The following PCDH7 variants were observed in gnomAD, a reference collection of about 807,000 sequenced individuals.
PCDH7 encodes the protein protocadherin 7.
In PCDH7, 17 loss-of-function variants were observed where a neutral mutation model predicts 58.9. The ratio of observed to expected loss-of-function variants is 0.29; its 90% CI spans 0.20 to 0.43. PCDH7 has a LOEUF of 0.43. Among genes scored for constraint, PCDH7 ranks in the 20% least tolerant of loss-of-function variants. The probability of loss-of-function intolerance (pLI) is 1.00; values close to 1 mark genes in which losing one functional copy is unlikely to be tolerated. For missense variants in PCDH7, 1,274 were observed against 1,441.0 expected, an observed-to-expected ratio of 0.88 and a Z score of 1.88; for synonymous variants, 664 against 616.4, an observed-to-expected ratio of 1.08 and a Z score of -1.14.
Position 31,142,672 on chromosome 4 carries a change from G to C in PCDH7, c.*207G>C, listed in dbSNP as rs201367943. 436 of 1,367,730 alleles carry C rather than the reference G, an allele frequency of 3.2e-4. 2 individuals carry two copies. The Middle Eastern group carries it at 0.013, about 41-fold the overall frequency. The allele number at this position is 1,367,730 out of a possible 1,614,324, so 84.7% of individuals were successfully genotyped here. A position where few individuals can be genotyped will look rare whatever the true frequency, so the allele number is the denominator to read the frequency against. On this transcript the variant is annotated 3_prime_UTR_variant, in exon 4 of 4. Transcript: ENST00000509759. The stretch of plus-strand genomic sequence containing the variant: ...TGGCCAATGGGGAGGCCGCCATCAT[G>C]GGTGACCGCAACAGAAACCTCCTGA...
chr4:31,113,831 CTT>C (rs35105911), intron 3 of PCDH7, among the ~76,000 whole-genome samples: 2,997 of 107,442 alleles, frequency 0.028, 24 homozygotes, highest in African/African-American at 0.055. Flanking sequence ...GTTAACCTTT[CTT>C]TTTTTTTTTT....
intron 3 of PCDH7, among the ~76,000 whole-genome samples, chr4:31,036,677 G>A (rs750447412): frequency 2.0e-5 from 3 of 152,138 alleles, no homozygotes; most frequent in Non-Finnish European, 2.9e-5. Flanking sequence ...ACACTATACT[G>A]CACTAATAGC....
At chr4:30,763,203 A>T (rs1720262979) in intron 1 of PCDH7, among the ~76,000 whole-genome samples, 6 of 152,196 alleles carry the variant, frequency 3.9e-5, no homozygotes, top group Admixed American at 3.9e-4. Context: ...GCCTGGGGAC[A>T]AGAGTGAAAC....
intron 1 of PCDH7, among the ~76,000 whole-genome samples, chr4:30,828,801 T>C (rs1258645473): frequency 6.6e-6 from 1 of 152,062 alleles, no homozygotes; most frequent in Non-Finnish European, 1.5e-5. Context: ...TATAAGACTC[T>C]CTACACAGTT....
intron 3 of PCDH7, among the ~76,000 whole-genome samples, chr4:30,969,781 T>A (rs1326043889): frequency 6.6e-6 from 1 of 152,200 alleles, no homozygotes; most frequent in Non-Finnish European, 1.5e-5. Context: ...TATTTTCTGG[T>A]TTTAAATAAT....
chr4:31,140,844 A>C (rs1012925617), intron 3 of PCDH7, among the ~76,000 whole-genome samples: 7 of 152,204 alleles, frequency 4.6e-5, no homozygotes, highest in Admixed American at 2.6e-4. Context: ...GAATCTGCTC[A>C]CTTGTAAGTC....
intron 3 of PCDH7, among the ~76,000 whole-genome samples, chr4:31,022,804 T>C (rs1754132681): frequency 6.6e-6 from 1 of 152,118 alleles, no homozygotes; most frequent in South Asian, 2.1e-4. Flanking sequence ...CCCTTGTCTT[T>C]CAAAAAGCTT....
intron 1 of PCDH7, among the ~76,000 whole-genome samples, chr4:30,830,665 T>G (rs997756116): frequency 6.6e-6 from 1 of 152,186 alleles, no homozygotes; most frequent in Non-Finnish European, 1.5e-5. Context: ...GGCCTAGATC[T>G]TGGGATTTGG....
At chr4:30,885,821 A>G (rs1299947210) in intron 1 of PCDH7, among the ~76,000 whole-genome samples, 1 of 152,144 alleles carries the variant, frequency 6.6e-6, no homozygotes, top group Non-Finnish European at 1.5e-5. Context: ...AATGCCACAT[A>G]TCTACAACTA....
At chr4:31,083,768 G>A (rs1711938061) in intron 3 of PCDH7, among the ~76,000 whole-genome samples, 1 of 152,192 alleles carries the variant, frequency 6.6e-6, no homozygotes, top group Non-Finnish European at 1.5e-5. Context: ...CCTTGTCAAA[G>A]CAGTCAGATG....
At chr4:30,787,442 G>A (rs1263013757) in intron 1 of PCDH7, among the ~76,000 whole-genome samples, 1 of 152,016 alleles carries the variant, frequency 6.6e-6, no homozygotes, top group Non-Finnish European at 1.5e-5. Context: ...TAAAATTTAG[G>A]CAATTATTAC....
At chr4:31,084,749 AG>A (rs1712137055) in intron 3 of PCDH7, among the ~76,000 whole-genome samples, 1 of 43,770 alleles carries the variant, frequency 2.3e-5, no homozygotes, top group African/African-American at 9.6e-5. Flanking sequence ...GGGATGAGGG[AG>A]GGGAGGGGAG....
At chr4:30,941,239 T>G (rs1323151377) in intron 2 of PCDH7, among the ~76,000 whole-genome samples, 1 of 151,922 alleles carries the variant, frequency 6.6e-6, no homozygotes, top group Non-Finnish European at 1.5e-5. Context: ...GAACAGACTG[T>G]TTTACTTTTC....
chr4:30,738,315 A>T (rs900751592), intron 1 of PCDH7, among the ~76,000 whole-genome samples: 3 of 152,134 alleles, frequency 2.0e-5, no homozygotes, highest in African/African-American at 7.2e-5. Flanking sequence ...TTCCTGGGAA[A>T]GTACGCTTCC....
intron 1 of PCDH7, among the ~76,000 whole-genome samples, chr4:30,745,676 C>T (rs1717684997): frequency 6.6e-6 from 1 of 151,920 alleles, no homozygotes; most frequent in Non-Finnish European, 1.5e-5. Flanking sequence ...AAAGCTGTAA[C>T]TAACAACAGA....
At chr4:31,041,225 C>G (rs999034784) in intron 3 of PCDH7, among the ~76,000 whole-genome samples, 2 of 152,152 alleles carry the variant, frequency 1.3e-5, no homozygotes, top group African/African-American at 4.8e-5. Context: ...TGAAGTGTCT[C>G]TTCTCATGGG....
Position 30,732,437 on chromosome 4 carries a change from C to T in PCDH7, c.*1649C>T, listed in dbSNP as rs148108844. 2.4e-4 allele frequency: 37 copies of T among 152,238 alleles called. No individual in the cohort carries two copies. The East Asian group carries it at 6.6e-3, about 27-fold the overall frequency. The allele number at this position is 152,238 out of a possible 1,614,324, so 9.4% of individuals were successfully genotyped here. On this transcript the variant is annotated 3_prime_UTR_variant, in exon 2 of 2. Transcript: ENST00000361762. ...ATTTTGGGTTAATTTAATGTGCAAT[C>T]ACATAGAAGTGATATTTATGAATAC...
intron 1 of PCDH7, among the ~76,000 whole-genome samples, chr4:30,878,689 A>G (rs563945208): frequency 6.6e-6 from 1 of 152,188 alleles, no homozygotes; most frequent in South Asian, 2.1e-4. Flanking sequence ...GTCTCTACTA[A>G]AAATACAAAA....
At chr4:30,915,996 C>T (rs1443017822) in intron 1 of PCDH7, among the ~76,000 whole-genome samples, 1 of 152,168 alleles carries the variant, frequency 6.6e-6, no homozygotes, top group Non-Finnish European at 1.5e-5. Context: ...GTTTATGCCT[C>T]CATTTTGCTG....
Sources: allele counts gnomAD v4.1 joint callset (sites outside exome capture counted in the v4.1 genomes callset), GRCh38; gene constraint gnomAD v4.1.1; transcripts MANE v1.5; gene names NCBI Gene and HGNC (gene_info 2026-07-23, HGNC 2026-07-21).